CD274: variants seen among roughly 807,000 people sequenced by gnomAD.
The protein encoded by CD274 is CD274 molecule.
CD274 carries 8 observed loss-of-function variants against 30.1 expected under a neutral mutation model. That is an observed-to-expected ratio of 0.27 (90% CI 0.16 to 0.48). The LOEUF (loss-of-function observed/expected upper bound fraction) is 0.48, where lower values mean the gene tolerates loss of function less well. Ranked by LOEUF, CD274 falls within the 20% of genes least tolerant of loss-of-function variation. CD274 has a pLI of 0.99. For synonymous variants in CD274, 152 were observed against 124.6 expected (o/e 1.22, Z -1.46); for missense variants, 353 against 346.6 (o/e 1.02, Z -0.15).
In CD274 at chr9:5,457,191, C is replaced by T. The variant is rs1451198205; in HGVS notation, c.165C>T (p.Val55=). The T allele has an allele frequency of 1.2e-6, 2 of 1,613,640 alleles. No homozygotes were observed. The highest frequency in any genetic ancestry group is 1.1e-5 in the South Asian group (1 of 91,084). ...AATTAGACCTGGCTGCACTAATTGT[C>T]TATTGGGAAATGGAGGATAAGAACA... ...EKQLDLAALI[V]YWEMEDKNII... is the part of the protein sequence containing the mutation. The change falls in exon 3 of 7, where the codon GTC becomes GTT. Residue 55 remains valine (V), a synonymous_variant. Transcript: ENST00000381577.
chr9:5,465,564 T>G lies in CD274; in HGVS notation c.748T>G (p.Cys250Gly), dbSNP rs1819484203. 2 of 1,610,848 alleles carry G rather than the reference T, an allele frequency of 1.2e-6. No homozygotes were observed. The highest frequency in any genetic ancestry group is 1.7e-6 in the Non-Finnish European group (2 of 1,177,040). ...GGTAATTCTGGGAGCCATCTTATTA[T>G]GCCTTGGTGTAGCACTGACATTCAT... ...HLVILGAILL[C>G]LGVALTFIFR... The change falls in exon 5 of 7, where the codon TGC becomes GGC. Residue 250 changes from cysteine (C) to glycine (G), a missense_variant. Cys to Gly is a radical substitution (Grantham distance 159). Coordinates refer to ENST00000381577, the MANE Select transcript of CD274 (RefSeq NM_014143.4).
chr9:5,461,019 A>G (rs1819394670), intron 3 of CD274, among the ~76,000 whole-genome samples: 1 of 152,216 alleles, frequency 6.6e-6, no homozygotes, highest in Non-Finnish European at 1.5e-5. Flanking sequence ...AAATTTAATA[A>G]ACAATATTTT....
intron 3 of CD274, among the ~76,000 whole-genome samples, chr9:5,461,497 C>T (rs1279472090): frequency 1.3e-5 from 2 of 152,068 alleles, no homozygotes; most frequent in African/African-American, 2.4e-5. Context: ...AAACATCACT[C>T]ATTATTTATT....
Position 5,470,113 on chromosome 9 carries a change from T to G in CD274, c.*2251T>G. The stretch of plus-strand genomic sequence containing the variant: ...GGGAGATCCCAGAGTTTCCTTTCCC[T>G]CTTGGCCATATTCTGGTGTCAATGA... On this transcript the variant is annotated 3_prime_UTR_variant, in exon 7 of 7. Coordinates refer to ENST00000381577, the MANE Select transcript of CD274 (RefSeq NM_014143.4). 1 of 233,114 alleles carries G rather than the reference T, an allele frequency of 4.3e-6. No individual in the cohort carries two copies. Among genetic ancestry groups the G allele is most frequent in the Non-Finnish European group, 8.5e-6 (1 of 117,936 alleles). 14.4% of individuals were successfully genotyped at this position (233,114 alleles called of 1,614,324 possible). A position where few individuals can be genotyped will look rare whatever the true frequency, so the allele number is the denominator to read the frequency against.
rs1482805280 is a variant in CD274 at position 5,469,569 on chromosome 9, A to G, written c.*1707A>G. On this transcript the variant is annotated 3_prime_UTR_variant, in exon 7 of 7. Coordinates refer to ENST00000381577, the MANE Select transcript of CD274 (RefSeq NM_014143.4). ...ATTTTTATTTATTTTAGTGTTTCTT[A>G]TATAGCAGATGGAATGAATTTGAAG... 2 of 231,706 alleles carry G rather than the reference A, an allele frequency of 8.6e-6. No individual in the cohort carries two copies. Among genetic ancestry groups the G allele is most frequent in the Admixed American group, 5.6e-5 (1 of 17,724 alleles). The allele number at this position is 231,706 out of a possible 1,614,324, so 14.4% of individuals were successfully genotyped here.
chr9:5,450,762 G>C (rs1184039021), intron 1 of CD274, among the ~76,000 whole-genome samples, 166 bp downstream of exon 1: 1 of 152,200 alleles, frequency 6.6e-6, no homozygotes, highest in African/African-American at 2.4e-5. Context: ...TACCTGTTGG[G>C]GTTAATAAGA....
chr9:5,455,685 A>G (rs531174814), intron 1 of CD274, among the ~76,000 whole-genome samples: 10 of 152,320 alleles, frequency 6.6e-5, no homozygotes, highest in Non-Finnish European at 1.2e-4. Flanking sequence ...GGGAAAAAGC[A>G]TTGACAGGTT....
At chr9:5,462,699 G>A in intron 3 of CD274, 135 bp from the exon 4 acceptor site, 1 of 731,524 alleles carries the variant, frequency 1.4e-6, no homozygotes, top group Non-Finnish European at 2.2e-6. Context: ...CCCCACGGCT[G>A]AGGCATCTGA....
At position 5,457,321 on chromosome 9, in the gene CD274, C is replaced by T. The variant is rs2131212472; in HGVS notation, c.295C>T (p.Leu99Phe). Reference protein sequence around the residue: ...KDQLSLGNAALQITDVKLQDA... With the variant: ...KDQLSLGNAAFQITDVKLQDA... ...CCAGCTCTCCCTGGGAAATGCTGCA[C>T]TTCAGATCACAGATGTGAAATTGCA... The change falls in exon 3 of 7, where the codon CTT becomes TTT. Residue 99 changes from leucine (L) to phenylalanine (F), a missense_variant. Leu to Phe is a conservative substitution (Grantham distance 22). Transcript: ENST00000381577. 6.2e-7 allele frequency: 1 copy of T among 1,614,074 alleles called. No homozygotes were observed. Among genetic ancestry groups the T allele is most frequent in the Non-Finnish European group, 8.5e-7 (1 of 1,179,980 alleles).
intron 5 of CD274, among the ~76,000 whole-genome samples, chr9:5,466,378 C>T (rs1409939596): frequency 4.6e-5 from 7 of 152,102 alleles, no homozygotes; most frequent in Non-Finnish European, 7.4e-5. Flanking sequence ...GATCAAGTTT[C>T]AATGACAGTA....
intron 1 of CD274, among the ~76,000 whole-genome samples, chr9:5,452,081 A>G (rs1051977731): frequency 1.4e-5 from 2 of 141,090 alleles, no homozygotes; most frequent in African/African-American, 5.3e-5. Context: ...GCTGGAGTGC[A>G]GTGGTGCAAT....
chr9:5,461,402 A>G (rs936553272), intron 3 of CD274, among the ~76,000 whole-genome samples: 3 of 152,186 alleles, frequency 2.0e-5, no homozygotes, highest in Non-Finnish European at 2.9e-5. Context: ...ACACATAAGA[A>G]CTATTATTTT....
At chr9:5,454,315 TAA>T (rs1450721671) in intron 1 of CD274, among the ~76,000 whole-genome samples, 1 of 152,124 alleles carries the variant, frequency 6.6e-6, no homozygotes, top group Admixed American at 6.5e-5. Context: ...TTAAAAACAA[TAA>T]AGAGTGAAAC....
In CD274 at chr9:5,463,012, C is replaced by T. The variant is rs1320775993; in HGVS notation, c.573C>T (p.Phe191=). 6.2e-7 allele frequency: 1 copy of T among 1,613,806 alleles called. No individual in the cohort carries two copies. The highest frequency in any genetic ancestry group is 8.5e-7 in the Non-Finnish European group (1 of 1,179,904). The change falls in exon 4 of 7, where the codon TTC becomes TTT. Residue 191 remains phenylalanine, a synonymous_variant. Coordinates refer to ENST00000381577, the MANE Select transcript of CD274 (RefSeq NM_014143.4). ...TTNSKREEKL[F]NVTSTLRINT... ...ATTCCAAGAGAGAGGAGAAGCTTTT[C>T]AATGTGACCAGCACACTGAGAATCA...
At chr9:5,457,900 C>G (rs1451053639) in intron 3 of CD274, among the ~76,000 whole-genome samples, 1 of 152,026 alleles carries the variant, frequency 6.6e-6, no homozygotes, top group Non-Finnish European at 1.5e-5. Context: ...TTTTGAGCCT[C>G]TCTATATCAA....
rs1336764495 is a variant in CD274 at position 5,467,894 on chromosome 9, G to T, written c.*32G>T. 3 of 1,596,000 alleles carry T rather than the reference G, an allele frequency of 1.9e-6. No homozygotes were observed. The highest frequency in any genetic ancestry group is 1.3e-5 in the African/African-American group (1 of 74,650). The stretch of plus-strand genomic sequence containing the variant: ...ATTGGAACTTCTGATCTTCAAGCAG[G>T]GATTCTCAACCTGTGGTTTAGGGGT... On this transcript the variant is annotated 3_prime_UTR_variant, in exon 7 of 7. Transcript: ENST00000381577.
Position 5,462,901 on chromosome 9 carries a change from A to G in CD274, c.462A>G (p.Thr154=), listed in dbSNP as rs1650731544. Residue 154 remains threonine, a synonymous_variant, in exon 4 of 7, where the codon ACA becomes ACG. Transcript: ENST00000381577. ...VDPVTSEHEL[T]CQAEGYPKAE... ...CAGTCACCTCTGAACATGAACTGAC[A>G]TGTCAGGCTGAGGGCTACCCCAAGG... 1 of 1,613,956 alleles carries G rather than the reference A, an allele frequency of 6.2e-7. No homozygotes were observed.
At chr9:5,462,396 T>G (rs1819419751) in intron 3 of CD274, among the ~76,000 whole-genome samples, 1 of 152,182 alleles carries the variant, frequency 6.6e-6, no homozygotes, top group South Asian at 2.1e-4. Context: ...GAGAAACATA[T>G]GAAAACCTGA....
At chr9:5,458,847 C>A (rs6651525) in intron 3 of CD274, among the ~76,000 whole-genome samples, 35,162 of 152,018 alleles carry the variant, frequency 0.23, 4,500 homozygotes, top group East Asian at 0.49. Context: ...CCAGTCCATC[C>A]GCAAATATCA....
Sources: allele counts gnomAD v4.1 joint callset (sites outside exome capture counted in the v4.1 genomes callset), GRCh38; gene constraint gnomAD v4.1.1; transcripts MANE v1.5; gene names NCBI Gene and HGNC (gene_info 2026-07-23, HGNC 2026-07-21).